ZDHHC21: variants seen among roughly 807,000 people sequenced by gnomAD.
ZDHHC21 encodes zDHHC palmitoyltransferase 21.
A neutral mutation model predicts 34.6 loss-of-function variants in ZDHHC21; 15 were observed. That is an observed-to-expected ratio of 0.43 (90% CI 0.29 to 0.67). ZDHHC21 has a LOEUF of 0.67. Among genes scored for constraint, ZDHHC21 ranks in the 30% least tolerant of loss-of-function variants. The pLI is 0.14. For missense variants in ZDHHC21, 344 were observed against 327.7 expected, an observed-to-expected ratio of 1.05 and a Z score of -0.38; for synonymous variants, 142 against 101.8, an observed-to-expected ratio of 1.40 and a Z score of -2.38.
intron 2 of ZDHHC21, among the ~76,000 whole-genome samples, chr9:14,682,237 C>T (rs530843106): frequency 6.6e-6 from 1 of 152,252 alleles, no homozygotes; most frequent in South Asian, 2.1e-4. Flanking sequence ...TTAAAAGACA[C>T]AGACTGGCAA....
chr9:14,645,772 T>A (rs1830186198), intron 7 of ZDHHC21, among the ~76,000 whole-genome samples: 1 of 152,144 alleles, frequency 6.6e-6, no homozygotes, highest in Non-Finnish European at 1.5e-5. Context: ...TAGGCACACT[T>A]TGCCAAATAG....
chr9:14,636,462 A>G (rs184809946), intron 8 of ZDHHC21, among the ~76,000 whole-genome samples: 34 of 152,296 alleles, frequency 2.2e-4, no homozygotes, highest in Admixed American at 4.6e-4. Context: ...GTAATAGTTG[A>G]GGACTTGGAC....
At chr9:14,659,632 G>A (rs774690168) in intron 6 of ZDHHC21, among the ~76,000 whole-genome samples, 7 of 152,104 alleles carry the variant, frequency 4.6e-5, no homozygotes, top group Non-Finnish European at 1.0e-4. Flanking sequence ...TTGCACAAAT[G>A]TTTTCATTTC....
chr9:14,629,542 G>C (rs1826939717), intron 8 of ZDHHC21, among the ~76,000 whole-genome samples: 1 of 152,086 alleles, frequency 6.6e-6, no homozygotes, highest in African/African-American at 2.4e-5. Flanking sequence ...TAAATGTTAT[G>C]TTTATGCTAT....
intron 8 of ZDHHC21, among the ~76,000 whole-genome samples, chr9:14,620,029 G>A (rs1825014352): frequency 6.6e-6 from 1 of 151,900 alleles, no homozygotes; most frequent in Non-Finnish European, 1.5e-5. Flanking sequence ...CAGTGAATAT[G>A]CATTAAAAAA....
intron 7 of ZDHHC21, among the ~76,000 whole-genome samples, chr9:14,650,538 A>G (rs1831061785): frequency 1.3e-5 from 2 of 152,006 alleles, no homozygotes; most frequent in African/African-American, 2.4e-5. Flanking sequence ...TAAGGCTACA[A>G]TATTTTTTTA....
At chr9:14,639,405 T>TA (rs1197614837) in intron 8 of ZDHHC21, among the ~76,000 whole-genome samples, 3 of 152,004 alleles carry the variant, frequency 2.0e-5, no homozygotes, top group Non-Finnish European at 2.9e-5. Flanking sequence ...TTAATGGTTA[T>TA]AAACACACAG....
intron 8 of ZDHHC21, among the ~76,000 whole-genome samples, chr9:14,639,433 G>T (rs1828916177): frequency 6.6e-6 from 1 of 152,008 alleles, no homozygotes; most frequent in Non-Finnish European, 1.5e-5. Context: ...AAGTTATAAT[G>T]CTCAGTAGCA....
In ZDHHC21 at chr9:14,619,009, CT is replaced by C; in HGVS notation, c.754del (p.Arg252GlyfsTer35). 1 of 1,611,730 alleles carries C rather than the reference CT, an allele frequency of 6.2e-7. No individual in the cohort carries two copies. The highest frequency in any genetic ancestry group is 8.5e-7 in the Non-Finnish European group (1 of 1,178,730). The stretch of plus-strand genomic sequence containing the variant: ...GTGGTAGGGAACTCGCAGTGGTTGC[CT>C]CTGCCTGAAAGGAATGAACCACAGG... ...KILWFIPFRQRQPLRVPYHFA... is the reference protein window; with the variant it reads ...KILWFIPFRQXQPLRVPYHFA... On this transcript the variant is annotated frameshift_variant, in exon 10 of 10. Transcript: ENST00000380916. LOFTEE classifies it high-confidence loss of function.
the ZDHHC21 span, among the ~76,000 whole-genome samples, chr9:14,604,982 C>G: frequency 2.0e-5 from 3 of 152,102 alleles, no homozygotes; most frequent in African/African-American, 7.2e-5. Flanking sequence ...CTGTGGCTGG[C>G]TTATTTCACT....
intron 5 of ZDHHC21, among the ~76,000 whole-genome samples, chr9:14,662,539 A>T (rs1833598889): frequency 6.6e-6 from 1 of 152,212 alleles, no homozygotes; most frequent in South Asian, 2.1e-4. Context: ...AAAAGACTAA[A>T]AAAATAAGAC....
At chr9:14,629,121 T>G (rs1225582626) in intron 8 of ZDHHC21, among the ~76,000 whole-genome samples, 1 of 152,232 alleles carries the variant, frequency 6.6e-6, no homozygotes, top group African/African-American at 2.4e-5. Context: ...TTGCTTTCTC[T>G]TTCTTAACAA....
chr9:14,672,124 C>T (rs1031786956), intron 5 of ZDHHC21, among the ~76,000 whole-genome samples: 1 of 151,884 alleles, frequency 6.6e-6, no homozygotes, highest in Non-Finnish European at 1.5e-5. Context: ...AAAGCAGAAA[C>T]GCATGTAAAA....
At chr9:14,634,279 C>T (rs1053512306) in intron 8 of ZDHHC21, among the ~76,000 whole-genome samples, 2 of 152,190 alleles carry the variant, frequency 1.3e-5, no homozygotes, top group Admixed American at 1.3e-4. Context: ...GTTTGTTCTG[C>T]CAATACTATT....
chr9:14,622,552 G>T (rs1825490401), intron 8 of ZDHHC21: 2 of 985,090 alleles, frequency 2.0e-6, no homozygotes, highest in Non-Finnish European at 2.4e-6. Flanking sequence ...TGAGAACCCA[G>T]TCCTCTTGGC....
In ZDHHC21 at chr9:14,658,464, C is replaced by CTTTTTTTTTTT. The variant is rs769819264; in HGVS notation, c.504+274_504+284dup. Among the ~76,000 whole-genome samples, 75 of 65,392 alleles carry CTTTTTTTTTTT rather than the reference C, an allele frequency of 1.1e-3. 26 individuals are homozygous for CTTTTTTTTTTT. The highest frequency in any genetic ancestry group is 0.018 in the Middle Eastern group (1 of 56). The allele number at this position is 65,392 out of a possible 152,430, so 42.9% of individuals were successfully genotyped here. ...CTAATGTTAGTGGATATAAACATTT[C>CTTTTTTTTTTT]TTTTTTTTTTTTTTTTTTTTTTTTT... On this transcript the variant is annotated intron_variant, in intron 7 of 9. Transcript: ENST00000380916.
At chr9:14,684,823 C>A (rs1044605122) in intron 2 of ZDHHC21, among the ~76,000 whole-genome samples, 6 of 152,264 alleles carry the variant, frequency 3.9e-5, no homozygotes, top group African/African-American at 1.2e-4. Flanking sequence ...CTACAGTAAC[C>A]AAAACACCAT....
downstream of ZDHHC21, among the ~76,000 whole-genome samples, chr9:14,607,619 G>C (rs10961614): frequency 0.052 from 7,833 of 151,440 alleles, 267 homozygotes; most frequent in Non-Finnish European, 0.078. Context: ...AGTGCTATGG[G>C]CTGGGGGCGG....
intron 8 of ZDHHC21, among the ~76,000 whole-genome samples, chr9:14,632,966 G>T (rs941008222): frequency 6.6e-6 from 1 of 152,076 alleles, no homozygotes; most frequent in Non-Finnish European, 1.5e-5. Context: ...ACTGCTAGTG[G>T]GAATGCAAAA....
Sources: allele counts gnomAD v4.1 joint callset (sites outside exome capture counted in the v4.1 genomes callset), GRCh38; gene constraint gnomAD v4.1.1; transcripts MANE v1.5; gene names NCBI Gene and HGNC (gene_info 2026-07-23, HGNC 2026-07-21).